The following SMAD9 variants were observed in gnomAD, a reference collection of about 807,000 sequenced individuals.
SMAD9 encodes MAD homolog 9.
Under a neutral mutation model 46.1 loss-of-function variants are expected in SMAD9, and 36 were observed. The ratio of observed to expected loss-of-function variants is 0.78; its 90% CI spans 0.60 to 1.03. SMAD9 has a LOEUF of 1.03. Ranked by LOEUF, SMAD9 falls within the 50% of genes least tolerant of loss-of-function variation. The pLI, the probability that SMAD9 is intolerant of heterozygous loss-of-function variation, is 0.00. For synonymous variants in SMAD9, 245 were observed against 237.1 expected (o/e 1.03, Z -0.31); for missense variants, 572 against 599.8 (o/e 0.95, Z 0.48).
intron 1 of SMAD9, among the ~76,000 whole-genome samples, chr13:36,882,864 T>C (rs1189773148): frequency 6.6e-6 from 1 of 152,146 alleles, no homozygotes; most frequent in Non-Finnish European, 1.5e-5. Flanking sequence ...CTCAGGAGGC[T>C]GAGGTGGGAG....
chr13:36,873,786 C>G (rs2058319698), intron 2 of SMAD9, among the ~76,000 whole-genome samples: 2 of 152,126 alleles, frequency 1.3e-5, no homozygotes, highest in African/African-American at 2.4e-5. Flanking sequence ...TCGCTTGAAT[C>G]TGGGAGGTGG....
intron 1 of SMAD9, among the ~76,000 whole-genome samples, chr13:36,912,504 AG>A (rs2058669478): frequency 6.6e-6 from 1 of 152,112 alleles, no homozygotes; most frequent in African/African-American, 2.4e-5. Context: ...TTACTAGAAG[AG>A]TGTATTCAAA....
intron 1 of SMAD9, among the ~76,000 whole-genome samples, chr13:36,906,782 A>T (rs2058623287): frequency 6.6e-6 from 1 of 152,222 alleles, no homozygotes; most frequent in East Asian, 1.9e-4. Flanking sequence ...AAAATCAAGG[A>T]TGTGCAAAAA....
At chr13:36,912,421 C>T (rs1165664972) in intron 1 of SMAD9, among the ~76,000 whole-genome samples, 1 of 152,178 alleles carries the variant, frequency 6.6e-6, no homozygotes, top group African/African-American at 2.4e-5. Context: ...GGTCCCTTTC[C>T]TCTATACTAC....
intron 1 of SMAD9, among the ~76,000 whole-genome samples, chr13:36,884,703 T>C (rs1419970667): frequency 6.6e-6 from 1 of 152,234 alleles, no homozygotes; most frequent in Non-Finnish European, 1.5e-5. Flanking sequence ...CCATTAGCAG[T>C]TACTGAAGAT....
chr13:36,879,210 A>G, intron 2 of SMAD9, 68 bp downstream of exon 2: 1 of 1,316,000 alleles, frequency 7.6e-7, no homozygotes, highest in Non-Finnish European at 1.1e-6. Context: ...GTGCCCCATC[A>G]TTCTCCATCA....
chr13:36,911,290 A>C lies in SMAD9; in HGVS notation c.-187+8826T>G, dbSNP rs146077659. On this transcript the variant is annotated intron_variant, in intron 1 of 6. Transcript: ENST00000379826. Reference sequence around the variant, plus strand: ...CTCCCAAAGTGCTGGGATTACAGGCATGAACCATTGCACCTGGCCAACTAT... The same window carrying C: ...CTCCCAAAGTGCTGGGATTACAGGCCTGAACCATTGCACCTGGCCAACTAT... 1.2e-4 allele frequency among the ~76,000 whole-genome samples: 18 copies of C among 152,238 alleles called. No individual in the cohort carries two copies. In the East Asian group the frequency reaches 3.3e-3, roughly 28 times the overall value.
chr13:36,891,120 C>A (rs2058485938), intron 1 of SMAD9, among the ~76,000 whole-genome samples: 1 of 151,150 alleles, frequency 6.6e-6, no homozygotes, highest in Non-Finnish European at 1.5e-5. Context: ...AAATACAAAT[C>A]CTAAGAAGAA....
At chr13:36,852,334 A>T in intron 6 of SMAD9, 1 of 985,386 alleles carries the variant, frequency 1.0e-6, no homozygotes, top group Non-Finnish European at 1.2e-6. Flanking sequence ...CAGTAAGAAA[A>T]CTGTCACACA....
chr13:36,880,887 T>A (rs1007314348), intron 1 of SMAD9, among the ~76,000 whole-genome samples: 1 of 152,208 alleles, frequency 6.6e-6, no homozygotes, highest in Non-Finnish European at 1.5e-5. Flanking sequence ...AATATTTTTT[T>A]AATTTCTTAG....
chr13:36,882,253 G>GTGTA (rs2058410470), intron 1 of SMAD9, among the ~76,000 whole-genome samples: 1 of 141,726 alleles, frequency 7.1e-6, no homozygotes, highest in South Asian at 2.1e-4. Flanking sequence ...GTGTGTGTGT[G>GTGTA]TGTGTGTATG....
At chr13:36,856,798 C>CTTTT (rs34107763) in intron 5 of SMAD9, among the ~76,000 whole-genome samples, 2,720 of 123,314 alleles carry the variant, frequency 0.022, 170 homozygotes, top group African/African-American at 0.084. Flanking sequence ...GTGACCTGCA[C>CTTTT]TTTTTTTTTT....
intron 1 of SMAD9, among the ~76,000 whole-genome samples, chr13:36,917,245 C>T (rs183126732): frequency 1.3e-5 from 2 of 151,998 alleles, no homozygotes; most frequent in East Asian, 1.9e-4. Flanking sequence ...CAAAATTTAC[C>T]GGAATATTTA....
intron 1 of SMAD9, among the ~76,000 whole-genome samples, chr13:36,918,241 T>C (rs2058713643): frequency 6.6e-6 from 1 of 152,206 alleles, no homozygotes; most frequent in Non-Finnish European, 1.5e-5. Context: ...AATTCTAAAG[T>C]ACTTAGAGGT....
intron 5 of SMAD9, among the ~76,000 whole-genome samples, chr13:36,854,563 C>T (rs537625364): frequency 2.7e-4 from 41 of 152,052 alleles, no homozygotes; most frequent in Non-Finnish European, 5.1e-4. Flanking sequence ...GACGGGGTTT[C>T]ACCATGTTGG....
chr13:36,862,491 G>GA (rs2058192119), intron 5 of SMAD9, among the ~76,000 whole-genome samples: 5 of 132,810 alleles, frequency 3.8e-5, no homozygotes, highest in African/African-American at 1.4e-4. Context: ...CCGTGCCCAG[G>GA]TTACCCTATA....
chr13:36,879,690 A>G lies in SMAD9; in HGVS notation c.-1T>C. 1 of 1,614,016 alleles carries G rather than the reference A, an allele frequency of 6.2e-7. No homozygotes were observed. The highest frequency in any genetic ancestry group is 8.5e-7 in the Non-Finnish European group (1 of 1,180,030). ...AGCTGATGGGGGTGGTGGAGTGCAT[A>G]AGAGGCCACAGCAGGCTCCGGCGCG... On this transcript the variant is annotated 5_prime_UTR_variant, in exon 2 of 7. Transcript: ENST00000379826.
At chr13:36,857,988 A>G (rs988362223) in intron 5 of SMAD9, among the ~76,000 whole-genome samples, 1 of 152,322 alleles carries the variant, frequency 6.6e-6, no homozygotes, top group Middle Eastern at 3.4e-3. Context: ...TTTCTTATAT[A>G]GTTAGATATA....
intron 6 of SMAD9, among the ~76,000 whole-genome samples, 175 bp from the exon 7 acceptor site, chr13:36,848,994 C>T (rs567986499): frequency 2.0e-5 from 3 of 152,328 alleles, no homozygotes; most frequent in African/African-American, 7.2e-5. Flanking sequence ...TCACACCAAC[C>T]AGATGCCTTC....
Sources: gnomAD v4.1 joint callset for allele counts (sites outside exome capture counted in the v4.1 genomes callset) on GRCh38, gnomAD v4.1.1 for gene constraint, MANE v1.5 for transcripts, NCBI Gene and HGNC (gene_info 2026-07-23, HGNC 2026-07-21) for gene names.